Variants in TENM2 observed in about 807,000 individuals in gnomAD.
The protein encoded by TENM2 is teneurin-2.
A neutral mutation model predicts 245.2 loss-of-function variants in TENM2; 52 were observed. The observed-to-expected ratio is 0.21, with a 90% CI of 0.17 to 0.27. TENM2 has a LOEUF of 0.27. Ranked by LOEUF, TENM2 falls within the 10% of genes least tolerant of loss-of-function variation. TENM2 has a pLI of 1.00. For missense variants in TENM2, 3,046 were observed against 3,666.8 expected (o/e 0.83, Z 4.37); for synonymous variants, 1,363 against 1,438.9 (o/e 0.95, Z 1.19).
chr5:167,996,026 C>G (rs1217034058), intron 5 of TENM2, among the ~76,000 whole-genome samples: 1 of 152,102 alleles, frequency 6.6e-6, no homozygotes, highest in African/African-American at 2.4e-5. Flanking sequence ...TGCATCAGCC[C>G]CAGGACCTTT....
the TENM2 span, among the ~76,000 whole-genome samples, chr5:167,185,408 C>T: frequency 6.6e-6 from 1 of 152,152 alleles, no homozygotes; most frequent in African/African-American, 2.4e-5. Context: ...TCCTTGAATA[C>T]AACCTCTGAA....
intron 1 of TENM2, among the ~76,000 whole-genome samples, chr5:167,304,756 T>A (rs1439664334): frequency 6.6e-6 from 1 of 152,210 alleles, no homozygotes; most frequent in East Asian, 1.9e-4. Flanking sequence ...GTTGAATTTT[T>A]TTGTTGCTGT....
chr5:168,210,923 A>T (rs939626785), intron 19 of TENM2, among the ~76,000 whole-genome samples: 2 of 152,192 alleles, frequency 1.3e-5, no homozygotes, highest in African/African-American at 4.8e-5. Context: ...ATTGAAATTG[A>T]ATGTATTTCT....
intron 12 of TENM2, among the ~76,000 whole-genome samples, chr5:168,143,484 A>G (rs1213227680): frequency 6.6e-6 from 1 of 152,182 alleles, no homozygotes. Context: ...AAACCCTGCA[A>G]TCTTTGTGGC....
intron 2 of TENM2, among the ~76,000 whole-genome samples, chr5:167,516,242 C>T (rs114136710): frequency 0.012 from 1,790 of 152,216 alleles, 26 homozygotes; most frequent in Non-Finnish European, 0.019. Context: ...TACTTCCAGA[C>T]ATTGTAAATG....
Position 168,181,320 on chromosome 5 carries a change from C to T in TENM2, c.2570-9017C>T, listed in dbSNP as rs574759341. Among the ~76,000 whole-genome samples the T allele has an allele frequency of 4.6e-5, 7 of 152,304 alleles. No homozygotes were observed. In the South Asian group the frequency reaches 1.5e-3, roughly 32 times the overall value. On this transcript the variant is annotated intron_variant, in intron 13 of 28. Transcript: ENST00000518659. ...ATAATCCCCTTGTCAAACATTTCCC[C>T]CAGTGGCTTCAAGGTACAGTCTATT...
intron 4 of TENM2, among the ~76,000 whole-genome samples, chr5:167,961,016 C>G (rs1426953583): frequency 6.6e-6 from 1 of 152,232 alleles, no homozygotes; most frequent in Non-Finnish European, 1.5e-5. Flanking sequence ...AGCTTGCCCT[C>G]TGTGGGCTGT....
chr5:167,213,219 G>T, the TENM2 span, among the ~76,000 whole-genome samples: 1 of 152,018 alleles, frequency 6.6e-6, no homozygotes, highest in East Asian at 1.9e-4. Flanking sequence ...TTGTATATAC[G>T]CCATCAAGGC....
At position 167,913,477 on chromosome 5, in the gene TENM2, GA is replaced by G. The variant is rs559774295; in HGVS notation, c.712+37289del. On this transcript the variant is annotated intron_variant, in intron 3 of 28. Transcript: ENST00000518659. ...ATTGGCACTACATTTGAAACAGGGA[GA>G]AAAAAAGCAACATGTTCCCATTTCT... is the stretch of plus-strand genomic sequence containing the variant. Among the ~76,000 whole-genome samples the G allele has an allele frequency of 4.7e-3, 709 of 152,118 alleles. 3 individuals are homozygous for G. Among genetic ancestry groups the G allele is most frequent in the Admixed American group, 9.7e-3 (148 of 15,286 alleles).
chr5:168,195,385 C>A, intron 15 of TENM2, 90 bp downstream of exon 17: 2 of 1,461,452 alleles, frequency 1.4e-6, no homozygotes, highest in South Asian at 1.3e-5. Flanking sequence ...CCACAGGATT[C>A]CCCCTGGTGG....
chr5:167,420,271 A>G (rs1763424330), intron 2 of TENM2, among the ~76,000 whole-genome samples: 1 of 152,206 alleles, frequency 6.6e-6, no homozygotes, highest in African/African-American at 2.4e-5. Context: ...CCAGTTCTCA[A>G]AAACAATCTG....
At chr5:167,314,400 G>A (rs1372478407) in intron 1 of TENM2, among the ~76,000 whole-genome samples, 1 of 152,114 alleles carries the variant, frequency 6.6e-6, no homozygotes, top group African/African-American at 2.4e-5. Flanking sequence ...TTAATGAAGA[G>A]TTATTATTTT....
At chr5:167,069,089 A>G in the TENM2 span, among the ~76,000 whole-genome samples, 4,517 of 152,238 alleles carry the variant, frequency 0.03, 97 homozygotes, top group South Asian at 0.089. Context: ...ACTAATTAGC[A>G]TTTACTAATC....
At chr5:167,984,960 GT>G (rs1278708041) in intron 4 of TENM2, among the ~76,000 whole-genome samples, 1 of 152,048 alleles carries the variant, frequency 6.6e-6, no homozygotes, top group Admixed American at 6.6e-5. Context: ...TATATTAATG[GT>G]GCCAGAAAGG....
chr5:168,224,725 C>T (rs1764000758), intron 23 of TENM2, among the ~76,000 whole-genome samples: 1 of 152,172 alleles, frequency 6.6e-6, no homozygotes, highest in Non-Finnish European at 1.5e-5. Context: ...AAGGGAGTAA[C>T]CCGCAGGAGT....
At chr5:167,154,442 T>A in the TENM2 span, among the ~76,000 whole-genome samples, 1 of 152,106 alleles carries the variant, frequency 6.6e-6, no homozygotes, top group Admixed American at 6.6e-5. Flanking sequence ...AGAAATAGAG[T>A]CAAAACACAA....
the TENM2 span, among the ~76,000 whole-genome samples, chr5:167,204,455 A>G: frequency 6.6e-6 from 1 of 152,188 alleles, no homozygotes; most frequent in Middle Eastern, 3.2e-3. Context: ...AAATGCATAT[A>G]CAGATTTCCT....
intron 2 of TENM2, among the ~76,000 whole-genome samples, chr5:167,663,138 T>TGG (rs1258190824): frequency 2.2e-5 from 2 of 91,370 alleles, no homozygotes; most frequent in South Asian, 7.2e-4. Context: ...AGAATGGGGA[T>TGG]GGGGAGAGAG....
chr5:167,067,745 C>T, the TENM2 span, among the ~76,000 whole-genome samples: 1 of 152,142 alleles, frequency 6.6e-6, no homozygotes, highest in South Asian at 2.1e-4. Context: ...CTCGACAGTT[C>T]TCTAATGTAT....
Sources: gnomAD v4.1 joint callset for allele counts (sites outside exome capture counted in the v4.1 genomes callset) on GRCh38, gnomAD v4.1.1 for gene constraint, MANE v1.5 for transcripts, NCBI Gene and HGNC (gene_info 2026-07-23, HGNC 2026-07-21) for gene names.